The following RPIA variants were observed in gnomAD, a reference collection of about 807,000 sequenced individuals.
RPIA encodes ribose-5-phosphate isomerase.
A neutral mutation model predicts 37.8 loss-of-function variants in RPIA; 29 were observed. That is an observed-to-expected ratio of 0.77 (90% CI 0.57 to 1.05). The LOEUF (loss-of-function observed/expected upper bound fraction) is 1.05. Among genes scored for constraint, RPIA ranks in the 50% least tolerant of loss-of-function variants. The pLI is 0.00. For synonymous variants in RPIA, 167 were observed against 157.0 expected (o/e 1.06, Z -0.48); for missense variants, 385 against 413.6 (o/e 0.93, Z 0.60).
chr2:88,699,303 G>T (rs1404116759), intron 2 of RPIA, among the ~76,000 whole-genome samples: 3 of 152,092 alleles, frequency 2.0e-5, no homozygotes, highest in African/African-American at 7.2e-5. Context: ...GGGCACAGGA[G>T]TTACTATGGA....
intron 2 of RPIA, among the ~76,000 whole-genome samples, chr2:88,699,393 C>T (rs1672801435): frequency 6.6e-6 from 1 of 151,904 alleles, no homozygotes; most frequent in East Asian, 1.9e-4. Context: ...GAATTTTTTC[C>T]TGAAGTCTTT....
chr2:88,710,626 G>T (rs1672950781), intron 3 of RPIA, among the ~76,000 whole-genome samples: 2 of 152,090 alleles, frequency 1.3e-5, no homozygotes, highest in Admixed American at 6.5e-5. Context: ...CCCCATTTTG[G>T]CCAAGTTAAG....
chr2:88,694,995 AG>A (rs1403317490), intron 1 of RPIA, among the ~76,000 whole-genome samples: 5 of 149,506 alleles, frequency 3.3e-5, no homozygotes, highest in African/African-American at 1.0e-4. Context: ...AAAAAAAAAA[AG>A]AAAAAGAAAA....
chr2:88,694,472 G>T (rs1676987252), intron 1 of RPIA, among the ~76,000 whole-genome samples: 2 of 152,174 alleles, frequency 1.3e-5, no homozygotes, highest in South Asian at 2.1e-4. Context: ...TAAAGCTAGA[G>T]TTCCTAGCTT....
rs527241921 is a variant in RPIA at position 88,746,915 on chromosome 2, A to G, written c.839-3066A>G. On this transcript the variant is annotated intron_variant, in intron 8 of 8. Coordinates refer to ENST00000283646, the MANE Select transcript of RPIA (RefSeq NM_144563.3). ...AGCGAGGAGGTGGTGCTTTCAAGAA[A>G]GCATCAGCTGTAGTAGTATAGGGGG... Among the ~76,000 whole-genome samples the G allele has an allele frequency of 7.1e-4, 108 of 152,298 alleles. 1 individual carries two copies. The South Asian group carries it at 0.022, about 31-fold the overall frequency.
chr2:88,710,229 A>G (rs1672945872), intron 3 of RPIA, among the ~76,000 whole-genome samples: 1 of 152,070 alleles, frequency 6.6e-6, no homozygotes, highest in African/African-American at 2.4e-5. Flanking sequence ...AATTTTTTGT[A>G]GAGACGATGT....
intron 8 of RPIA, among the ~76,000 whole-genome samples, chr2:88,741,743 TA>T (rs1673385807): frequency 6.6e-6 from 1 of 152,194 alleles, no homozygotes; most frequent in African/African-American, 2.4e-5. Context: ...CAACATCTAT[TA>T]TTTTTTTATT....
At chr2:88,717,443 C>T (rs954294139) in intron 3 of RPIA, among the ~76,000 whole-genome samples, 2 of 152,138 alleles carry the variant, frequency 1.3e-5, no homozygotes, top group African/African-American at 2.4e-5. Context: ...GAAGCAAAGG[C>T]GGGAAGACTT....
intron 3 of RPIA, among the ~76,000 whole-genome samples, chr2:88,711,251 A>G (rs971680842): frequency 5.9e-5 from 9 of 152,384 alleles, no homozygotes; most frequent in Admixed American, 3.9e-4. Context: ...AGCTAGTCAA[A>G]GAAACCACCG....
At chr2:88,714,159 G>T (rs1284085589) in intron 3 of RPIA, among the ~76,000 whole-genome samples, 3 of 149,638 alleles carry the variant, frequency 2.0e-5, no homozygotes, top group African/African-American at 2.5e-5. Context: ...CTCATTTTTT[G>T]TTTTTTTGTT....
intron 4 of RPIA, among the ~76,000 whole-genome samples, chr2:88,730,278 A>C (rs1198008763): frequency 5.9e-5 from 5 of 85,192 alleles, no homozygotes; most frequent in Non-Finnish European, 9.8e-5. Context: ...ACCAAAAAAG[A>C]GAATTTTAGA....
chr2:88,724,926 G>A (rs1194230604), intron 3 of RPIA, among the ~76,000 whole-genome samples: 1 of 152,172 alleles, frequency 6.6e-6, no homozygotes, highest in Non-Finnish European at 1.5e-5. Flanking sequence ...CACATTTTGT[G>A]AAATAATAAA....
At chr2:88,729,393 C>A in intron 4 of RPIA, 56 bp downstream of exon 4, 1 of 1,502,502 alleles carries the variant, frequency 6.7e-7, no homozygotes, top group Non-Finnish European at 9.3e-7. Flanking sequence ...TTTTTTATGG[C>A]TGTCACTTGT....
intron 3 of RPIA, among the ~76,000 whole-genome samples, chr2:88,723,112 G>A (rs534165048): frequency 6.6e-6 from 1 of 152,274 alleles, no homozygotes; most frequent in African/African-American, 2.4e-5. Context: ...GTCAGGTAGA[G>A]TTGGTCAAAT....
At chr2:88,695,144 C>T (rs1672714863) in intron 1 of RPIA, among the ~76,000 whole-genome samples, 1 of 152,146 alleles carries the variant, frequency 6.6e-6, no homozygotes, top group African/African-American at 2.4e-5. Context: ...ATCTCTTCAT[C>T]CATATCCTTC....
At position 88,691,853 on chromosome 2, in the gene RPIA, G is replaced by T. The variant is rs1224977366; in HGVS notation, c.155G>T (p.Arg52Leu). 10 of 1,596,076 alleles carry T rather than the reference G, an allele frequency of 6.3e-6. No homozygotes were observed. Among genetic ancestry groups the T allele is most frequent in the Admixed American group, 1.8e-5 (1 of 56,722 alleles). The change falls in exon 1 of 9, where the codon CGT becomes CTT. Residue 52 changes from arginine (R) to leucine (L), a missense_variant. This residue lies in a region of RPIA where 232 missense variants were observed against 203.0 expected (regional missense o/e 1.14). Coordinates refer to ENST00000283646, the MANE Select transcript of RPIA (RefSeq NM_144563.3). Reference sequence around the variant, plus strand: ...CCGGGGCGTGCACAGTCTGGGACCCGTGGCGGTGCTGGCAACACAAGCACC... The same window carrying T: ...CCGGGGCGTGCACAGTCTGGGACCCTTGGCGGTGCTGGCAACACAAGCACC... ...RLPGRAQSGT[R>L]GGAGNTSTSC...
intron 8 of RPIA, among the ~76,000 whole-genome samples, chr2:88,745,671 T>G (rs923537579): frequency 2.6e-5 from 4 of 152,256 alleles, no homozygotes; most frequent in Non-Finnish European, 4.4e-5. Context: ...GGCTTTCTTT[T>G]ATAGGTTACC....
intron 1 of RPIA, among the ~76,000 whole-genome samples, chr2:88,697,777 C>G (rs1356774671): frequency 6.6e-6 from 1 of 152,196 alleles, no homozygotes; most frequent in African/African-American, 2.4e-5. Flanking sequence ...CTGAGGCAGG[C>G]TCATGCAAAA....
chr2:88,735,397 A>G (rs1022103092), intron 5 of RPIA, among the ~76,000 whole-genome samples: 31 of 152,140 alleles, frequency 2.0e-4, no homozygotes, highest in Admixed American at 1.7e-3. Context: ...CCTGAACACA[A>G]TGCTCCCTCT....
Sources: allele counts gnomAD v4.1 joint callset (sites outside exome capture counted in the v4.1 genomes callset), GRCh38; gene constraint gnomAD v4.1.1; regional missense constraint gnomAD v4.1.1; transcripts MANE v1.5; gene names NCBI Gene and HGNC (gene_info 2026-07-23, HGNC 2026-07-21).